MTHFD1L: variants seen among roughly 807,000 people sequenced by gnomAD.
MTHFD1L encodes the protein monofunctional C1-tetrahydrofolate synthase, mitochondrial.
MTHFD1L carries 81 observed loss-of-function variants against 119.5 expected under a neutral mutation model. The observed-to-expected ratio is 0.68, with a 90% CI of 0.57 to 0.82. The LOEUF (loss-of-function observed/expected upper bound fraction) is 0.82, where lower values mean the gene tolerates loss of function less well. MTHFD1L is among the 40% of genes least tolerant of loss of function. MTHFD1L has a pLI of 0.00. For missense variants in MTHFD1L, 1,125 were observed against 1,253.4 expected (o/e 0.90, Z 1.55); for synonymous variants, 430 against 475.2 (o/e 0.90, Z 1.24).
chr6:151,018,147 G>A (rs1783421808), intron 24 of MTHFD1L, among the ~76,000 whole-genome samples: 1 of 152,058 alleles, frequency 6.6e-6, no homozygotes, highest in South Asian at 2.1e-4. Flanking sequence ...TGTCTTCAGG[G>A]GTAGTGCATG....
At position 151,015,506 on chromosome 6, in the gene MTHFD1L, T is replaced by A; in HGVS notation, c.2409-10T>A. Reference sequence around the variant, plus strand: ...TACAGATGCAAAACCACAAACATTTTCTTCACTAGGACCGACACCCGCGCT... The same window carrying A: ...TACAGATGCAAAACCACAAACATTTACTTCACTAGGACCGACACCCGCGCT... On this transcript the variant is annotated splice_polypyrimidine_tract_variant and intron_variant, in intron 23 of 27. Coordinates refer to ENST00000367321, the MANE Select transcript of MTHFD1L (RefSeq NM_015440.5). The A allele has an allele frequency of 6.3e-7, 1 of 1,594,862 alleles. No individual in the cohort carries two copies. Among genetic ancestry groups the A allele is most frequent in the Non-Finnish European group, 8.5e-7 (1 of 1,171,968 alleles).
intron 11 of MTHFD1L, among the ~76,000 whole-genome samples, chr6:150,931,379 A>T (rs558180134): frequency 7.1e-6 from 1 of 141,618 alleles, no homozygotes; most frequent in Non-Finnish European, 1.5e-5. Flanking sequence ...TGACTTTTCT[A>T]TGATTTGGCT....
intron 1 of MTHFD1L, among the ~76,000 whole-genome samples, chr6:150,875,508 C>A (rs1471937075): frequency 6.6e-6 from 1 of 152,086 alleles, no homozygotes; most frequent in African/African-American, 2.4e-5. Context: ...CTCTAGGAGG[C>A]TTTGATAGTG....
At chr6:151,034,307 A>C (rs898646412) in intron 24 of MTHFD1L, among the ~76,000 whole-genome samples, 186 bp from the exon 25 acceptor site, 1 of 152,158 alleles carries the variant, frequency 6.6e-6, no homozygotes, top group African/African-American at 2.4e-5. Context: ...TATTTCTGAC[A>C]CTGAAAATTT....
intron 20 of MTHFD1L, among the ~76,000 whole-genome samples, chr6:151,007,257 T>C (rs1781535068): frequency 6.6e-6 from 1 of 151,908 alleles, no homozygotes; most frequent in South Asian, 2.1e-4. Context: ...TCCCTCCCAG[T>C]GTGCCGCCCT....
chr6:151,066,437 C>CAA lies in MTHFD1L; in HGVS notation c.2848-26008_2848-26007dup, dbSNP rs35065800. ...TGGGCGACAGAGCAAGACTCCATCT[C>CAA]AAAAAAAAAAAAAAAAAAAAAAAGA... On this transcript the variant is annotated intron_variant, in intron 26 of 27. Coordinates refer to ENST00000367321, the MANE Select transcript of MTHFD1L (RefSeq NM_015440.5). Among the ~76,000 whole-genome samples the CAA allele has an allele frequency of 6.8e-3, 342 of 50,460 alleles. 6 individuals carry two copies. Among genetic ancestry groups the CAA allele is most frequent in the East Asian group, 0.026 (36 of 1,388 alleles). The allele number at this position is 50,460 out of a possible 152,430, so 33.1% of individuals were successfully genotyped here. A position where few individuals can be genotyped will look rare whatever the true frequency, so the allele number is the denominator to read the frequency against.
Position 151,092,360 on chromosome 6 carries a change from T to C in MTHFD1L, c.2848-107T>C. The C allele has an allele frequency of 5.0e-6, 4 of 802,234 alleles. No homozygotes were observed. The South Asian group carries it at 7.2e-5, about 14-fold the overall frequency. The allele number at this position is 802,234 out of a possible 1,614,324, so 49.7% of individuals were successfully genotyped here. On this transcript the variant is annotated intron_variant, in intron 26 of 27. Coordinates refer to ENST00000367321, the MANE Select transcript of MTHFD1L (RefSeq NM_015440.5). ...AAAGAGATATATCCCATATAAAACC[T>C]AAAGTTCTATGAGGCTGTATTGAAC...
chr6:150,947,016 A>G (rs1374553263), intron 15 of MTHFD1L, among the ~76,000 whole-genome samples: 5 of 148,852 alleles, frequency 3.4e-5, no homozygotes, highest in African/African-American at 9.8e-5. Flanking sequence ...CGGAGCTTGC[A>G]GTGAGCCGAG....
intron 26 of MTHFD1L, among the ~76,000 whole-genome samples, chr6:151,067,912 T>A (rs1791511621): frequency 6.6e-6 from 1 of 152,248 alleles, no homozygotes; most frequent in Non-Finnish European, 1.5e-5. Flanking sequence ...CTCTGATGTG[T>A]CTCACGTAAT....
rs564984040 is a variant in MTHFD1L at position 151,090,492 on chromosome 6, G to A, written c.2848-1975G>A. On this transcript the variant is annotated intron_variant, in intron 26 of 27. Transcript: ENST00000367321. The stretch of plus-strand genomic sequence containing the variant: ...TAACAGGCTCCCAGGTAATGCCCAT[G>A]CACAGGCCCACAGGCCCCATTTGAG... Among the ~76,000 whole-genome samples, 3 of 152,364 alleles carry A rather than the reference G, an allele frequency of 2.0e-5. No homozygotes were observed. The South Asian group carries it at 6.2e-4, about 32-fold the overall frequency.
chr6:150,949,717 T>C (rs1372096307), intron 16 of MTHFD1L, among the ~76,000 whole-genome samples: 1 of 152,158 alleles, frequency 6.6e-6, no homozygotes, highest in East Asian at 1.9e-4. Context: ...TGAAGTCCCC[T>C]TCCTTCTCCC....
rs1462535620 is a variant in MTHFD1L at position 151,101,647 on chromosome 6, C to A, written c.*153C>A. ...ATAGGCCAAAGATTTCTTCTTCGTT[C>A]AAGATGAATTCTGTTCACAGTGGAG... On this transcript the variant is annotated 3_prime_UTR_variant, in exon 28 of 28. Transcript: ENST00000367321. 1 of 152,540 alleles carries A rather than the reference C, an allele frequency of 6.6e-6. No individual in the cohort carries two copies. The highest frequency in any genetic ancestry group is 1.5e-5 in the Non-Finnish European group (1 of 68,028). 9.4% of individuals were successfully genotyped at this position (152,540 alleles called of 1,614,324 possible).
chr6:151,026,458 G>T (rs1224407963), intron 24 of MTHFD1L, among the ~76,000 whole-genome samples: 1 of 152,186 alleles, frequency 6.6e-6, no homozygotes, highest in Non-Finnish European at 1.5e-5. Flanking sequence ...GCCACATGAG[G>T]CCAGTGAACA....
In MTHFD1L at chr6:150,971,969, C is replaced by T. The variant is rs201334541; in HGVS notation, c.2036C>T (p.Ala679Val). ...TLEGTPVFVH[A>V]GPFANIAHGN... ...TAGGGGACACCTGTGTTCGTGCATG[C>T]GGGCCCTTTTGCTAACATTGCTCAC... The change falls in exon 20 of 28, where the codon GCG becomes GTG. Residue 679 changes from alanine to valine, a missense_variant. Transcript: ENST00000367321. 8 of 1,613,972 alleles carry T rather than the reference C, an allele frequency of 5.0e-6. No individual in the cohort carries two copies. Among genetic ancestry groups the T allele is most frequent in the Admixed American group, 1.7e-5 (1 of 59,990 alleles).
At chr6:150,991,044 A>G (rs992284360) in intron 20 of MTHFD1L, among the ~76,000 whole-genome samples, 3 of 151,784 alleles carry the variant, frequency 2.0e-5, no homozygotes, top group Non-Finnish European at 4.4e-5. Context: ...TTTAGTAGAG[A>G]CGGAGTTTCG....
chr6:150,992,478 C>T (rs1562506258), intron 20 of MTHFD1L, among the ~76,000 whole-genome samples: 1 of 152,202 alleles, frequency 6.6e-6, no homozygotes, highest in East Asian at 1.9e-4. Flanking sequence ...ATACTGAACT[C>T]AGCTATGCTG....
At chr6:151,093,896 A>G (rs1421599593) in intron 27 of MTHFD1L, among the ~76,000 whole-genome samples, 1 of 152,148 alleles carries the variant, frequency 6.6e-6, no homozygotes, top group Non-Finnish European at 1.5e-5. Context: ...GCACAGTCTC[A>G]GGTTGGGCTT....
intron 26 of MTHFD1L, among the ~76,000 whole-genome samples, chr6:151,087,264 A>AATAT (rs1217837687): frequency 1.5e-5 from 2 of 135,326 alleles, no homozygotes; most frequent in Admixed American, 1.5e-4. Context: ...TAAATAAATA[A>AATAT]ATAAATAAAT....
intron 24 of MTHFD1L, among the ~76,000 whole-genome samples, chr6:151,021,208 G>A (rs918781542): frequency 6.6e-6 from 1 of 152,166 alleles, no homozygotes; most frequent in Admixed American, 6.5e-5. Context: ...AAGTTGCTGT[G>A]AGACCCAAAT....
Sources: allele counts gnomAD v4.1 joint callset (sites outside exome capture counted in the v4.1 genomes callset), GRCh38; gene constraint gnomAD v4.1.1; transcripts MANE v1.5; gene names NCBI Gene and HGNC (gene_info 2026-07-23, HGNC 2026-07-21).